The following ROBO2 variants were observed in gnomAD, a reference collection of about 807,000 sequenced individuals.
ROBO2 encodes roundabout homolog 2.
Under a neutral mutation model 160.8 loss-of-function variants are expected in ROBO2, and 53 were observed. That is an observed-to-expected ratio of 0.33 (90% CI 0.26 to 0.41). The LOEUF is 0.41. Ranked by LOEUF, ROBO2 falls within the 10% of genes least tolerant of loss-of-function variation. The probability of loss-of-function intolerance (pLI) is 1.00; values close to 1 mark genes in which losing one functional copy is unlikely to be tolerated. For missense variants in ROBO2, 1,577 were observed against 1,722.4 expected, an observed-to-expected ratio of 0.92 and a Z score of 1.49; for synonymous variants, 664 against 611.7, an observed-to-expected ratio of 1.09 and a Z score of -1.26.
intron 2 of ROBO2, among the ~76,000 whole-genome samples, chr3:76,144,885 A>G (rs948495945): frequency 4.0e-5 from 6 of 150,286 alleles, no homozygotes; most frequent in Non-Finnish European, 8.9e-5. Flanking sequence ...TGAGATGACC[A>G]TTATCTGCAG....
At chr3:76,039,789 T>C (rs1001907104) in intron 2 of ROBO2, among the ~76,000 whole-genome samples, 10 of 152,012 alleles carry the variant, frequency 6.6e-5, no homozygotes, top group African/African-American at 9.7e-5. Flanking sequence ...AATATTTGTA[T>C]ATGATGTAAT....
At chr3:76,932,853 A>G (rs2077438604) in intron 2 of ROBO2, among the ~76,000 whole-genome samples, 1 of 152,128 alleles carries the variant, frequency 6.6e-6, no homozygotes, top group African/African-American at 2.4e-5. Context: ...ATCTACTCTC[A>G]GGTGTTCATA....
chr3:77,172,357 G>C (rs1421087078), intron 2 of ROBO2, among the ~76,000 whole-genome samples: 1 of 152,064 alleles, frequency 6.6e-6, no homozygotes, highest in Admixed American at 6.6e-5. Flanking sequence ...ACTTACATCA[G>C]ATGTATTTCT....
At chr3:76,913,894 G>A (rs886693727) in intron 2 of ROBO2, among the ~76,000 whole-genome samples, 2 of 151,626 alleles carry the variant, frequency 1.3e-5, no homozygotes, top group Non-Finnish European at 2.9e-5. Context: ...CTCCTTTAGA[G>A]GAGTAACTGT....
chr3:75,998,528 G>A (rs1044796810), intron 2 of ROBO2, among the ~76,000 whole-genome samples: 4 of 152,110 alleles, frequency 2.6e-5, no homozygotes, highest in African/African-American at 9.7e-5. Flanking sequence ...CTGAGCATAT[G>A]GCCTGCAAAG....
At chr3:77,286,867 T>C (rs2060637563) in intron 2 of ROBO2, among the ~76,000 whole-genome samples, 1 of 152,208 alleles carries the variant, frequency 6.6e-6, no homozygotes, top group Non-Finnish European at 1.5e-5. Flanking sequence ...TAAATTATGT[T>C]TCAGAACTTT....
chr3:76,252,688 A>G (rs1159669584), intron 2 of ROBO2, among the ~76,000 whole-genome samples: 1 of 151,912 alleles, frequency 6.6e-6, no homozygotes, highest in African/African-American at 2.4e-5. Context: ...ATACACAAAT[A>G]CCTATACAAA....
intron 2 of ROBO2, among the ~76,000 whole-genome samples, chr3:77,460,318 G>T (rs1349911627): frequency 1.3e-5 from 2 of 152,096 alleles, no homozygotes; most frequent in South Asian, 2.1e-4. Flanking sequence ...ATAAAGACTT[G>T]TATGGCGAAA....
chr3:77,432,214 G>T (rs138730990), intron 2 of ROBO2, among the ~76,000 whole-genome samples: 14 of 152,254 alleles, frequency 9.2e-5, no homozygotes, highest in Admixed American at 3.9e-4. Flanking sequence ...AGCTAAAACA[G>T]TGGCATTTAC....
intron 2 of ROBO2, among the ~76,000 whole-genome samples, chr3:76,394,115 C>T (rs956064567): frequency 6.6e-5 from 10 of 152,032 alleles, no homozygotes; most frequent in Admixed American, 6.6e-5. Flanking sequence ...TGTAGCATTT[C>T]GTCCATTTAC....
chr3:77,162,829 CT>C (rs1230076971), intron 2 of ROBO2, among the ~76,000 whole-genome samples: 2 of 151,858 alleles, frequency 1.3e-5, no homozygotes, highest in Non-Finnish European at 2.9e-5. Flanking sequence ...TTTCTTTTTT[CT>C]TTTCTTTTTT....
intron 2 of ROBO2, among the ~76,000 whole-genome samples, chr3:76,034,416 C>G (rs2067032259): frequency 6.6e-6 from 1 of 152,148 alleles, no homozygotes; most frequent in Admixed American, 6.5e-5. Flanking sequence ...GTGAAATAGA[C>G]AAGTCACCTA....
At chr3:76,836,919 A>T (rs554699193) in intron 2 of ROBO2, among the ~76,000 whole-genome samples, 1 of 151,848 alleles carries the variant, frequency 6.6e-6, no homozygotes, top group East Asian at 1.9e-4. Context: ...CGTTACTTGC[A>T]TCTTATATAT....
chr3:76,453,935 T>C (rs573323734), intron 2 of ROBO2, among the ~76,000 whole-genome samples: 1 of 152,106 alleles, frequency 6.6e-6, no homozygotes, highest in African/African-American at 2.4e-5. Context: ...AGGACATTCA[T>C]GTGGAGTTGC....
intron 2 of ROBO2, chr3:76,434,498 G>A: frequency 1.9e-6 from 3 of 1,558,648 alleles, no homozygotes; most frequent in Non-Finnish European, 2.7e-6. Context: ...TACAAACCGA[G>A]TCCTCAAAGA....
At chr3:77,291,897 G>C (rs1314043140) in intron 2 of ROBO2, among the ~76,000 whole-genome samples, 12 of 151,962 alleles carry the variant, frequency 7.9e-5, no homozygotes, top group Middle Eastern at 3.4e-3. Flanking sequence ...AAACGGGTAA[G>C]CTGAGGCTAG....
At chr3:76,648,575 T>C (rs2091096546) in intron 2 of ROBO2, among the ~76,000 whole-genome samples, 1 of 152,078 alleles carries the variant, frequency 6.6e-6, no homozygotes, top group Non-Finnish European at 1.5e-5. Flanking sequence ...ATTGTGATTA[T>C]ATAGGAAAAT....
chr3:76,556,957 A>G (rs1301262935), intron 2 of ROBO2, among the ~76,000 whole-genome samples: 2 of 152,096 alleles, frequency 1.3e-5, no homozygotes, highest in Non-Finnish European at 2.9e-5. Flanking sequence ...TGCTTTTATT[A>G]TTTAATTTAT....
chr3:76,222,935 A>G (rs1307815923), intron 2 of ROBO2, among the ~76,000 whole-genome samples: 2 of 151,856 alleles, frequency 1.3e-5, no homozygotes, highest in African/African-American at 2.4e-5. Context: ...TTGTATTTTT[A>G]GTAGAGATGG....
Sources: allele counts gnomAD v4.1 joint callset (sites outside exome capture counted in the v4.1 genomes callset), GRCh38; gene constraint gnomAD v4.1.1; transcripts MANE v1.5; gene names NCBI Gene and HGNC (gene_info 2026-07-23, HGNC 2026-07-21).